The following ARHGEF10L variants were observed in gnomAD, a reference collection of about 807,000 sequenced individuals.
The protein encoded by ARHGEF10L is Rho guanine nucleotide exchange factor 10 like, also known as rho guanine nucleotide exchange factor 10-like protein.
ARHGEF10L carries 69 observed loss-of-function variants against 141.2 expected under a neutral mutation model. That is an observed-to-expected ratio of 0.49 (90% CI 0.40 to 0.60). ARHGEF10L has a LOEUF of 0.60. Among genes scored for constraint, ARHGEF10L ranks in the 20% least tolerant of loss-of-function variants. The pLI is 0.00. For missense variants in ARHGEF10L, 1,482 were observed against 1,734.3 expected (o/e 0.85, Z 2.58); for synonymous variants, 711 against 718.5 (o/e 0.99, Z 0.17).
chr1:17,605,390 G>A (rs2081073930), intron 6 of ARHGEF10L, among the ~76,000 whole-genome samples: 1 of 152,192 alleles, frequency 6.6e-6, no homozygotes. Flanking sequence ...CAGTCCTAGG[G>A]TGGTAGCGTA....
At position 17,607,747 on chromosome 1, in the gene ARHGEF10L, G is replaced by A; in HGVS notation, c.434-55G>A. On this transcript the variant is annotated intron_variant, in intron 6 of 28. Coordinates refer to ENST00000361221, the MANE Select transcript of ARHGEF10L (RefSeq NM_018125.4). This position sits in a 1 kb window ranked among gnomAD's most constrained non-coding sequence, Gnocchi z 4.5. ...TCAGAAATTGGGTCTGAGGCTGGAA[G>A]TCTGGTAGGCTTGGCCTCAGGGCCT... 6.9e-7 allele frequency: 1 copy of A among 1,439,210 alleles called. No individual in the cohort carries two copies. Among genetic ancestry groups the A allele is most frequent in the African/African-American group, 1.5e-5 (1 of 67,802 alleles). 89.2% of individuals were successfully genotyped at this position (1,439,210 alleles called of 1,614,324 possible). A position where few individuals can be genotyped will look rare whatever the true frequency, so the allele number is the denominator to read the frequency against.
At chr1:17,537,038 TTTTTATTTTATTTTA>T (rs149201327), upstream of ARHGEF10L, among the ~76,000 whole-genome samples, 7 of 147,800 alleles carry the variant, frequency 4.7e-5, no homozygotes, top group South Asian at 6.7e-4. Flanking sequence ...TCTGGCTAGA[TTTTTATTTTATTTTA>T]TTTTATTTTA....
chr1:17,612,852 G>C (rs1199799908), intron 7 of ARHGEF10L, among the ~76,000 whole-genome samples: 2 of 152,226 alleles, frequency 1.3e-5, no homozygotes, highest in African/African-American at 4.8e-5. Flanking sequence ...TGGCATGGTG[G>C]GGTTGGACAC....
At chr1:17,675,317 C>T (rs2063578882) in intron 26 of ARHGEF10L, among the ~76,000 whole-genome samples, 1 of 152,236 alleles carries the variant, frequency 6.6e-6, no homozygotes, top group Non-Finnish European at 1.5e-5. Flanking sequence ...GGCCTCCCCA[C>T]CTCCCCGCAC....
chr1:17,514,216 A>C, the ARHGEF10L span, among the ~76,000 whole-genome samples: 16 of 130,478 alleles, frequency 1.2e-4, no homozygotes, highest in African/African-American at 4.7e-4. Context: ...AGCTTACTGC[A>C]ACCCCGCCTC....
chr1:17,617,264 A>T (rs1557834866), intron 9 of ARHGEF10L, among the ~76,000 whole-genome samples: 1 of 152,224 alleles, frequency 6.6e-6, no homozygotes. Context: ...CATTCATGTG[A>T]CAAGTTTTAT....
intron 26 of ARHGEF10L, among the ~76,000 whole-genome samples, chr1:17,669,428 C>T (rs1293751182): frequency 1.3e-5 from 2 of 152,162 alleles, no homozygotes; most frequent in African/African-American, 2.4e-5. Context: ...CCTCAAATCA[C>T]GCTTTGAGAT....
intron 1 of ARHGEF10L, among the ~76,000 whole-genome samples, chr1:17,570,777 G>C (rs926782137): frequency 6.6e-6 from 1 of 152,042 alleles, no homozygotes; most frequent in Non-Finnish European, 1.5e-5. Flanking sequence ...ACTGTGGAGG[G>C]GGTGAGATGC....
At position 17,625,244 on chromosome 1, in the gene ARHGEF10L, A is replaced by T. The variant is rs1364794729; in HGVS notation, c.1318-712A>T. Among the ~76,000 whole-genome samples, 3 of 152,192 alleles carry T rather than the reference A, an allele frequency of 2.0e-5. No individual in the cohort carries two copies. Among genetic ancestry groups the T allele is most frequent in the Admixed American group, 2.0e-4 (3 of 15,280 alleles). ...AGGAGAGCCTATATCAGGTGTAAGG[A>T]TAGTGGAGCAAAGGTTAGAGGCAGG... is the stretch of plus-strand genomic sequence containing the variant. On this transcript the variant is annotated intron_variant, in intron 13 of 28. Transcript: ENST00000361221. The surrounding 1 kb of genome is among the most constrained non-coding windows in gnomAD (Gnocchi z 4.5).
At chr1:17,645,008 C>T (rs531239864) in intron 21 of ARHGEF10L, among the ~76,000 whole-genome samples, 1 of 152,192 alleles carries the variant, frequency 6.6e-6, no homozygotes, top group South Asian at 2.1e-4. Flanking sequence ...CTGCCCGGGC[C>T]CTTCTAGCAG....
At chr1:17,513,596 G>A in the ARHGEF10L span, among the ~76,000 whole-genome samples, 12 of 152,116 alleles carry the variant, frequency 7.9e-5, no homozygotes, top group Non-Finnish European at 1.6e-4. Flanking sequence ...GGTAGAGAAA[G>A]GTTTTCAACC....
chr1:17,588,412 C>T, intron 3 of ARHGEF10L, 34 bp from the exon 4 acceptor site: 1 of 1,613,102 alleles, frequency 6.2e-7, no homozygotes, highest in Non-Finnish European at 8.5e-7. Context: ...CAGCCTCTGG[C>T]CTGACAGGCT....
At chr1:17,671,739 A>G (rs994633131) in intron 26 of ARHGEF10L, among the ~76,000 whole-genome samples, 1 of 152,090 alleles carries the variant, frequency 6.6e-6, no homozygotes, top group African/African-American at 2.4e-5. Context: ...CCTCCTACAT[A>G]CACCACAGCT....
chr1:17,620,820 C>T (rs1312093104), intron 10 of ARHGEF10L, among the ~76,000 whole-genome samples: 1 of 152,154 alleles, frequency 6.6e-6, no homozygotes, highest in East Asian at 1.9e-4. Flanking sequence ...CTGTGAGCAG[C>T]GTCCTAACTT....
At position 17,603,150 on chromosome 1, in the gene ARHGEF10L, G is replaced by A. The variant is rs1385842929; in HGVS notation, c.350-358G>A. Among the ~76,000 whole-genome samples, 1 of 152,030 alleles carries A rather than the reference G, an allele frequency of 6.6e-6. No individual in the cohort carries two copies. Among genetic ancestry groups the A allele is most frequent in the African/African-American group, 2.4e-5 (1 of 41,394 alleles). On this transcript the variant is annotated intron_variant, in intron 5 of 28. Coordinates refer to ENST00000361221, the MANE Select transcript of ARHGEF10L (RefSeq NM_018125.4). The surrounding 1 kb of genome is among the most constrained non-coding windows in gnomAD (Gnocchi z 4.8). The stretch of plus-strand genomic sequence containing the variant: ...TGCTCAGTGACGAGGGTCTAGCCCC[G>A]GGGTCCTGGGTGACTGAGGATGCTA...
intron 25 of ARHGEF10L, among the ~76,000 whole-genome samples, chr1:17,657,984 C>T (rs959235046): frequency 1.3e-5 from 2 of 152,224 alleles, no homozygotes; most frequent in Non-Finnish European, 2.9e-5. Context: ...TGTAGCGTCG[C>T]ATATCCTAGA....
At chr1:17,589,484 A>T (rs938400425) in intron 4 of ARHGEF10L, among the ~76,000 whole-genome samples, 2 of 152,180 alleles carry the variant, frequency 1.3e-5, no homozygotes, top group Non-Finnish European at 2.9e-5. Context: ...CCCCAAACTG[A>T]GCAAGAGGGG....
the ARHGEF10L span, among the ~76,000 whole-genome samples, chr1:17,519,635 A>T: frequency 6.6e-6 from 1 of 151,580 alleles, no homozygotes; most frequent in African/African-American, 2.4e-5. Context: ...AAAGGAGGAA[A>T]CTCCATCATG....
At chr1:17,638,042 C>T in intron 19 of ARHGEF10L, 39 bp downstream of exon 19, 1 of 1,521,378 alleles carries the variant, frequency 6.6e-7, no homozygotes, top group Non-Finnish European at 8.9e-7. Flanking sequence ...CTGAGCTCCC[C>T]AGTGTGGGCA....
Sources: gnomAD v4.1 joint callset for allele counts (sites outside exome capture counted in the v4.1 genomes callset) on GRCh38, gnomAD v4.1.1 for gene constraint, Gnocchi (gnomAD v3.1) non-coding constraint, MANE v1.5 for transcripts, NCBI Gene and HGNC (gene_info 2026-07-23, HGNC 2026-07-21) for gene names.